The following HEPH variants were observed in gnomAD, a reference collection of about 807,000 sequenced individuals.
HEPH encodes the protein hephaestin.
HEPH carries 69 observed loss-of-function variants against 80.8 expected under a neutral mutation model. The ratio of observed to expected loss-of-function variants is 0.85; its 90% CI spans 0.70 to 1.04. The LOEUF (loss-of-function observed/expected upper bound fraction) is 1.04, where lower values mean the gene tolerates loss of function less well. Among genes scored for constraint, HEPH ranks in the 50% least tolerant of loss-of-function variants. HEPH has a pLI of 0.00. For synonymous variants in HEPH, 431 were observed against 322.8 expected, an observed-to-expected ratio of 1.34 and a Z score of -3.60; for missense variants, 1,115 against 891.3, an observed-to-expected ratio of 1.25 and a Z score of -3.20.
chrX:66,203,013 A>T (rs1313184162), intron 12 of HEPH, among the ~76,000 whole-genome samples: 8 of 106,032 alleles, frequency 7.5e-5, no homozygotes, highest in African/African-American at 2.8e-4. Context: ...AATGAAAGAT[A>T]GGGTTACCAA....
At chrX:66,213,237 A>G (rs1185773799) in intron 15 of HEPH, among the ~76,000 whole-genome samples, 1 of 95,314 alleles carries the variant, frequency 1.0e-5, no homozygotes, top group Non-Finnish European at 2.0e-5. Context: ...TCCTGTGTCC[A>G]TGTGTTCTCA....
intron 5 of HEPH, among the ~76,000 whole-genome samples, chrX:66,188,944 G>C (rs1234544266): frequency 1.8e-5 from 2 of 112,425 alleles, no homozygotes; most frequent in Non-Finnish European, 3.8e-5. Context: ...CCACTTTGTG[G>C]AGAAAAATGG....
chrX:66,258,245 C>G (rs1451012717), intron 17 of HEPH, among the ~76,000 whole-genome samples: 1 of 111,650 alleles, frequency 9.0e-6, no homozygotes, highest in East Asian at 2.8e-4. Flanking sequence ...TTCAGTGAGT[C>G]ATGCAGACAG....
chrX:66,238,452 C>G (rs771655876), intron 15 of HEPH, among the ~76,000 whole-genome samples: 2 of 111,180 alleles, frequency 1.8e-5, no homozygotes, highest in Non-Finnish European at 3.8e-5. Flanking sequence ...GGCTGAAGTG[C>G]GAGGATCCCT....
intron 4 of HEPH, among the ~76,000 whole-genome samples, chrX:66,186,143 C>T (rs1321231670): frequency 1.3e-5 from 1 of 79,468 alleles, no homozygotes; most frequent in African/African-American, 5.3e-5. Context: ...GCAGAGGTTA[C>T]TGCTGTCTTT....
At chrX:66,221,301 G>A (rs761807128) in intron 15 of HEPH, among the ~76,000 whole-genome samples, 6 of 111,941 alleles carry the variant, frequency 5.4e-5, no homozygotes, top group Non-Finnish European at 9.4e-5. Flanking sequence ...ATGCTTGACC[G>A]GGCTCTCTGA....
At chrX:66,168,096 G>A (rs2086450215) in intron 1 of HEPH, among the ~76,000 whole-genome samples, 1 of 112,125 alleles carries the variant, frequency 8.9e-6, no homozygotes, top group Non-Finnish European at 1.9e-5. Flanking sequence ...CAGGTCATGA[G>A]ATGGAAAGGT....
At position 66,260,169 on chromosome X, in the gene HEPH, G is replaced by A. The variant is rs1446118910; in HGVS notation, c.3106G>A (p.Ala1036Thr). ...PGTFEVVEMV[A>T]SNPGTWLMHC... ...GACTTTTGAGGTTGTGGAGATGGTGGCCAGCAACCCTGGGACATGGCTGAT... is the reference window on the plus strand; with the variant it reads ...GACTTTTGAGGTTGTGGAGATGGTGACCAGCAACCCTGGGACATGGCTGAT... Residue 1036 changes from alanine to threonine, a missense_variant, in exon 19 of 21, where the codon GCC becomes ACC. Physicochemically the swap from Ala to Thr is moderately conservative, Grantham distance 58. Transcript: ENST00000343002. 8.3e-7 allele frequency: 1 copy of A among 1,206,572 alleles called. No homozygotes were observed. Among genetic ancestry groups the A allele is most frequent in the South Asian group, 1.8e-5 (1 of 56,823 alleles).
At chrX:66,253,536 G>C (rs1484281791) in intron 15 of HEPH, among the ~76,000 whole-genome samples, 1 of 112,233 alleles carries the variant, frequency 8.9e-6, no homozygotes, top group African/African-American at 3.2e-5. Context: ...AATGGTGCAC[G>C]TGCTTTGGAA....
intron 15 of HEPH, among the ~76,000 whole-genome samples, chrX:66,247,010 A>G (rs917982906): frequency 8.9e-6 from 1 of 111,807 alleles, no homozygotes; most frequent in African/African-American, 3.2e-5. Context: ...ACTTATTTCT[A>G]ACCTCCATGG....
chrX:66,190,596 C>T (rs888672808), intron 6 of HEPH, among the ~76,000 whole-genome samples: 2 of 111,606 alleles, frequency 1.8e-5, no homozygotes, highest in African/African-American at 6.5e-5. Context: ...TCACATTTGC[C>T]ACATCCGTAA....
At chrX:66,180,648 G>GT (rs2087075159) in intron 4 of HEPH, among the ~76,000 whole-genome samples, 24 of 43,938 alleles carry the variant, frequency 5.5e-4, no homozygotes, top group Non-Finnish European at 7.2e-4. Context: ...TTTCACAGCT[G>GT]TATTTTTTTT....
intron 20 of HEPH, among the ~76,000 whole-genome samples, chrX:66,265,589 G>T (rs1456806): frequency 9.1e-6 from 1 of 109,674 alleles, no homozygotes; most frequent in Non-Finnish European, 1.9e-5. Context: ...ACAGGCGCTT[G>T]GAAAACATAG....
chrX:66,261,470 T>A (rs1348647992), intron 19 of HEPH, among the ~76,000 whole-genome samples: 3 of 110,080 alleles, frequency 2.7e-5, no homozygotes, highest in Non-Finnish European at 5.7e-5. Context: ...CTGAGTCCAA[T>A]CCCCAACACT....
At position 66,255,072 on chromosome X, in the gene HEPH, G is replaced by A. The variant is rs146719428; in HGVS notation, c.2601G>A (p.Arg867=). The A allele has an allele frequency of 3.2e-5, 39 of 1,205,643 alleles. No homozygotes were observed. The highest frequency in any genetic ancestry group is 3.9e-5 in the Non-Finnish European group (35 of 892,677). The change falls in exon 16 of 21, where the codon AGG becomes AGA. Residue 867 remains arginine (R), a synonymous_variant. Coordinates refer to ENST00000343002, the MANE Select transcript of HEPH (RefSeq NM_001367233.3). ...VVTYQWNIPE[R]SGPGPNDSAC... ...CTTATCAGTGGAACATCCCAGAGAGGTCTGGCCCTGGGCCCAATGACTCTG... is the reference window on the plus strand; with the variant it reads ...CTTATCAGTGGAACATCCCAGAGAGATCTGGCCCTGGGCCCAATGACTCTG...
rs781180812 is a variant in HEPH at position 66,170,643 on chromosome X, A to G, written c.73A>G (p.Thr25Ala). 6 of 1,209,184 alleles carry G rather than the reference A, an allele frequency of 5.0e-6. No individual in the cohort carries two copies. The highest frequency in any genetic ancestry group is 1.7e-5 in the African/African-American group (1 of 57,613). Residue 25 changes from threonine to alanine, a missense_variant, in exon 2 of 21, where the codon ACT (threonine) becomes GCT (alanine). By Grantham distance (58) the Thr-to-Ala change is moderately conservative. Coordinates refer to ENST00000343002, the MANE Select transcript of HEPH (RefSeq NM_001367233.3). ...SLWPQLTDGA[T>A]RVYYLGIRDV... Reference sequence around the variant, plus strand: ...GTGGCCTCAACTGACTGATGGAGCCACTCGAGTCTACTACCTGGGCATCCG... The same window carrying G: ...GTGGCCTCAACTGACTGATGGAGCCGCTCGAGTCTACTACCTGGGCATCCG...
In HEPH at chrX:66,175,613, A is replaced by G. The variant is rs191981023; in HGVS notation, c.625+1812A>G. ...TGCTTTTGGCAGTGTGGTTATTTTC[A>G]CAATATTGATCCTACCCATCCATGA... On this transcript the variant is annotated intron_variant, in intron 4 of 20. Coordinates refer to ENST00000343002, the MANE Select transcript of HEPH (RefSeq NM_001367233.3). Among the ~76,000 whole-genome samples, 6 of 111,679 alleles carry G rather than the reference A, an allele frequency of 5.4e-5. No homozygotes were observed. In the East Asian group the frequency reaches 1.7e-3, roughly 31 times the overall value.
chrX:66,260,577 G>A (rs1371263278), intron 19 of HEPH, among the ~76,000 whole-genome samples: 1 of 111,886 alleles, frequency 8.9e-6, no homozygotes, highest in Non-Finnish European at 1.9e-5. Context: ...TTGAAGCCTA[G>A]TGCAGGCCTG....
intron 4 of HEPH, among the ~76,000 whole-genome samples, chrX:66,187,832 A>G (rs1252366911): frequency 8.9e-6 from 1 of 111,924 alleles, no homozygotes; most frequent in African/African-American, 3.3e-5. Context: ...TGATCCTACG[A>G]ACCTTTTTTA....
Sources: gnomAD v4.1 joint callset for allele counts (sites outside exome capture counted in the v4.1 genomes callset) on GRCh38, gnomAD v4.1.1 for gene constraint, MANE v1.5 for transcripts, NCBI Gene and HGNC (gene_info 2026-07-23, HGNC 2026-07-21) for gene names.